The following TCHH variants were observed in gnomAD, a reference collection of about 807,000 sequenced individuals.
TCHH encodes the protein trichohyalin.
Under a neutral mutation model 6.3 loss-of-function variants are expected in TCHH, and 6 were observed. The observed-to-expected ratio is 0.95, with a 90% CI of 0.52 to 1.88. The LOEUF is 1.88. Among genes scored for constraint, TCHH ranks in the 40% most tolerant of loss-of-function variants. The probability of loss-of-function intolerance (pLI) is 0.01; values close to 1 mark genes in which losing one functional copy is unlikely to be tolerated. For synonymous variants in TCHH, 1,087 were observed against 963.6 expected, an observed-to-expected ratio of 1.13 and a Z score of -2.37; for missense variants, 2,920 against 2,449.1, an observed-to-expected ratio of 1.19 and a Z score of -4.06.
rs1658410411 is a variant in TCHH at position 152,112,454 on chromosome 1, T to G, written c.763A>C (p.Lys255Gln). ...EWRKRETVLRKEEEKLQEEEP... is the reference protein window; with the variant it reads ...EWRKRETVLRQEEEKLQEEEP... ...TCTTCCTGCAACTTCTCTTCTTCCT[T>G]CCGGAGCACTGTCTCGCGCTTCCTC... is the stretch of plus-strand genomic sequence containing the variant. The change falls in exon 3 of 3, where the codon AAG becomes CAG. Residue 255 changes from lysine to glutamine, a missense_variant. Coordinates refer to ENST00000614923, the MANE Select transcript of TCHH (RefSeq NM_007113.4). 6 of 1,613,582 alleles carry G rather than the reference T, an allele frequency of 3.7e-6. No individual in the cohort carries two copies. The highest frequency in any genetic ancestry group is 5.1e-6 in the Non-Finnish European group (6 of 1,179,936).
chr1:152,112,423 G>T lies in TCHH; in HGVS notation c.794C>A (p.Pro265Gln). ...KEEEKLQEEEPQRQRELQEEE... is the reference protein window; with the variant it reads ...KEEEKLQEEEQQRQRELQEEE... ...CTCCTGGAGCTCTCTTTGCCGCTGC[G>T]GCTCCTCTTCCTGCAACTTCTCTTC... The change falls in exon 3 of 3, where the codon CCG becomes CAG. Residue 265 changes from proline to glutamine, a missense_variant. Transcript: ENST00000614923. 6.2e-7 allele frequency: 1 copy of T among 1,613,456 alleles called. No homozygotes were observed. Among genetic ancestry groups the T allele is most frequent in the Non-Finnish European group, 8.5e-7 (1 of 1,179,936 alleles).
Position 152,107,501 on chromosome 1 carries a change from C to G in TCHH, c.5716G>C (p.Gly1906Arg). 1 of 1,614,230 alleles carries G rather than the reference C, an allele frequency of 6.2e-7. No homozygotes were observed. The highest frequency in any genetic ancestry group is 8.5e-7 in the Non-Finnish European group (1 of 1,180,040). Reference sequence around the variant, plus strand: ...TCCAGAAGCCGCCCATGGCCCTTCCCTTCTTGGGATTTTATCTCCCCGACT... The same window carrying G: ...TCCAGAAGCCGCCCATGGCCCTTCCGTTCTTGGGATTTTATCTCCCCGACT... The part of the protein sequence containing the change: ...RQVGEIKSQE[G>R]KGHGRLLEPG... The change falls in exon 3 of 3, where the codon GGG (glycine) becomes CGG (arginine). Residue 1906 changes from glycine to arginine, a missense_variant. Transcript: ENST00000614923.
At position 152,107,635 on chromosome 1, in the gene TCHH, T is replaced by G. The variant is rs1181575536; in HGVS notation, c.5582A>C (p.Glu1861Ala). ...FATQEKSRRE[E>A]QELWQEEEQK... ...CTCCTCTTCTTGCCATAGTTCTTGT[T>G]CCTCACGACGACTCTTCTCCTGCGT... The change falls in exon 3 of 3, where the codon GAA becomes GCA. Residue 1861 changes from glutamate to alanine, a missense_variant. Transcript: ENST00000614923. The G allele has an allele frequency of 1.2e-6, 2 of 1,614,064 alleles. No homozygotes were observed. The highest frequency in any genetic ancestry group is 2.2e-5 in the East Asian group (1 of 44,892).
Position 152,110,858 on chromosome 1 carries a change from T to C in TCHH, c.2359A>G (p.Arg787Gly). 1 of 1,609,992 alleles carries C rather than the reference T, an allele frequency of 6.2e-7. No individual in the cohort carries two copies. The highest frequency in any genetic ancestry group is 8.5e-7 in the Non-Finnish European group (1 of 1,179,688). ...TCCCGCTGCTCCCGCAATGGGGGCC[T>C]GGCCGACAGCCTCTGACGGCCCCTC... ...SERGRQRLSA[R>G]PPLREQRERQ... Residue 787 changes from arginine (R) to glycine (G), a missense_variant, in exon 3 of 3, where the codon AGG (arginine) becomes GGG (glycine). Physicochemically the swap from Arg to Gly is moderately radical, Grantham distance 125 (BLOSUM62 -2). Transcript: ENST00000614923.
chr1:152,108,646 A>G lies in TCHH; in HGVS notation c.4571T>C (p.Leu1524Pro). The stretch of plus-strand genomic sequence containing the variant: ...TTTTCTCTGCCGTTGCTGGCGGTGC[A>G]GCTGCTGTTCCTCCTCGAGGAATTT... ...ERKFLEEEQQ[L>P]HRQQRQRKFL... Residue 1524 changes from leucine (L) to proline (P), a missense_variant, in exon 3 of 3, where the codon CTG becomes CCG. Coordinates refer to ENST00000614923, the MANE Select transcript of TCHH (RefSeq NM_007113.4). 1.2e-6 allele frequency: 2 copies of G among 1,606,620 alleles called. No homozygotes were observed. The highest frequency in any genetic ancestry group is 1.7e-6 in the Non-Finnish European group (2 of 1,178,890).
chr1:152,107,324 A>C lies in TCHH; in HGVS notation c.*61T>G. On this transcript the variant is annotated 3_prime_UTR_variant, in exon 3 of 3. Coordinates refer to ENST00000614923, the MANE Select transcript of TCHH (RefSeq NM_007113.4). ...ACATCTGAGTTATCACTTGGTACCC[A>C]GTGTTTCTCATTTTCCCGTGCTCGA... 6.9e-7 allele frequency: 1 copy of C among 1,442,996 alleles called. No homozygotes were observed. The highest frequency in any genetic ancestry group is 2.3e-5 in the East Asian group (1 of 43,452). 89.4% of individuals were successfully genotyped at this position (1,442,996 alleles called of 1,614,324 possible). A position where few individuals can be genotyped will look rare whatever the true frequency, so the allele number is the denominator to read the frequency against.
At position 152,111,861 on chromosome 1, in the gene TCHH, C is replaced by A. The variant is rs1483823321; in HGVS notation, c.1356G>T (p.Glu452Asp). 4 of 1,607,010 alleles carry A rather than the reference C, an allele frequency of 2.5e-6. No homozygotes were observed. The highest frequency in any genetic ancestry group is 3.4e-6 in the Non-Finnish European group (4 of 1,178,500). The change falls in exon 3 of 3, where the codon GAG becomes GAT. Residue 452 changes from glutamate (E) to aspartate (D), a missense_variant. Glu to Asp is a conservative substitution (Grantham distance 45). Coordinates refer to ENST00000614923, the MANE Select transcript of TCHH (RefSeq NM_007113.4). ...CGCGCTTCAGCCAATCGCGCCTCTC[C>A]TCCTGCTCGCGCTTCAGCCGCTGCT... The part of the protein sequence containing the change: ...RREQRLKREQ[E>D]ERRDWLKREE...
At position 152,109,679 on chromosome 1, in the gene TCHH, C is replaced by G. The variant is rs767839150; in HGVS notation, c.3538G>C (p.Glu1180Gln). Residue 1180 changes from glutamate to glutamine, a missense_variant, in exon 3 of 3, where the codon GAA becomes CAA. Transcript: ENST00000614923. ...YREEEELQQE[E>Q]EQLLREEQEK... ...TGTTCCTCTCTCAGCAGCTGCTCTT[C>G]CTCCTGCTGCAGCTCCTCTTCCTCG... The G allele has an allele frequency of 6.8e-6, 11 of 1,608,658 alleles. No individual in the cohort carries two copies. Among genetic ancestry groups the G allele is most frequent in the Middle Eastern group, 3.3e-4 (2 of 6,042 alleles).
rs755360885 is a variant in TCHH at position 152,111,212 on chromosome 1, C to T, written c.2005G>A (p.Glu669Lys). Residue 669 changes from glutamate to lysine, a missense_variant, in exon 3 of 3, where the codon GAG becomes AAG. By Grantham distance (56) the Glu-to-Lys change is moderately conservative (BLOSUM62 1). Transcript: ENST00000614923. The stretch of plus-strand genomic sequence containing the variant: ...TCATGCTCGCGCTTCAGCCGCTGCT[C>T]GAGCCTCTCTTCCTCCTCCTCGCGC... ...LKREEEEERL[E>K]QRLKREHEEE... 2 of 1,608,910 alleles carry T rather than the reference C, an allele frequency of 1.2e-6. No individual in the cohort carries two copies. Among genetic ancestry groups the T allele is most frequent in the East Asian group, 2.2e-5 (1 of 44,504 alleles).
At position 152,111,190 on chromosome 1, in the gene TCHH, T is replaced by C. The variant is rs200205152; in HGVS notation, c.2027A>G (p.His676Arg). Reference sequence around the variant, plus strand: ...CTCCTGCTCGCGCCTCTCTTCCTCATGCTCGCGCTTCAGCCGCTGCTCGAG... The same window carrying C: ...CTCCTGCTCGCGCCTCTCTTCCTCACGCTCGCGCTTCAGCCGCTGCTCGAG... The part of the protein sequence containing the change: ...ERLEQRLKRE[H>R]EEERREQELA... Residue 676 changes from histidine to arginine, a missense_variant, in exon 3 of 3, where the codon CAT (histidine) becomes CGT (arginine). By Grantham distance (29) the His-to-Arg change is conservative. Coordinates refer to ENST00000614923, the MANE Select transcript of TCHH (RefSeq NM_007113.4). 5.8e-5 allele frequency: 94 copies of C among 1,613,160 alleles called. No homozygotes were observed. In the Middle Eastern group the frequency reaches 6.6e-4, roughly 11 times the overall value.
rs374186199 is a variant in TCHH at position 152,107,550 on chromosome 1, C to T, written c.5667G>A (p.Gln1889=). 4 of 1,614,022 alleles carry T rather than the reference C, an allele frequency of 2.5e-6. No homozygotes were observed. Among genetic ancestry groups the T allele is most frequent in the African/African-American group, 2.7e-5 (2 of 74,914 alleles). Residue 1889 remains glutamine (Q), a synonymous_variant, in exon 3 of 3, where the codon CAG becomes CAA. Transcript: ENST00000614923. ...CTTGGCGGTGCCTCTGTTCCTCCTT[C>T]TGCTGGCGGCGGATGTGTTCTTCCC... ...KLREEHIRRQ[Q]KEEQRHRQVG... is the part of the protein sequence containing the mutation.
In TCHH at chr1:152,108,038, C is replaced by T; in HGVS notation, c.5179G>A (p.Glu1727Lys). 1 of 1,613,542 alleles carries T rather than the reference C, an allele frequency of 6.2e-7. No homozygotes were observed. Among genetic ancestry groups the T allele is most frequent in the Non-Finnish European group, 8.5e-7 (1 of 1,179,872 alleles). Residue 1727 changes from glutamate to lysine, a missense_variant, in exon 3 of 3, where the codon GAG becomes AAG. By Grantham distance (56) the Glu-to-Lys change is moderately conservative (BLOSUM62 1). Transcript: ENST00000614923. The stretch of plus-strand genomic sequence containing the variant: ...GTTTCTTGGCGCAGCTGTTCCTCCT[C>T]ACGGAATTTTCTCTCCAGTTCCTGG... ...RRQELERKFR[E>K]EEQLRQETEQ...
rs200947543 is a variant in TCHH, at chr1:152,111,330, C to T, written c.1887G>A (p.Arg629=). 8.1e-3 allele frequency: 13,109 copies of T among 1,610,442 alleles called. 58 individuals carry two copies. The highest frequency in any genetic ancestry group is 0.013 in the Middle Eastern group (80 of 6,044). Residue 629 remains arginine (R), a synonymous_variant, in exon 3 of 3, where the codon AGG becomes AGA. Transcript: ENST00000614923. ...RLKREEPEEE[R]RQQLLKSEEQ... is the part of the protein sequence containing the mutation. Reference sequence around the variant, plus strand: ...CCTCGCTCTTCAGCAGCTGCTGGCGCCTCTCTTCCTCCGGCTCCTCGCGCT... The same window carrying T: ...CCTCGCTCTTCAGCAGCTGCTGGCGTCTCTCTTCCTCCGGCTCCTCGCGCT...
chr1:152,109,043 A>T lies in TCHH; in HGVS notation c.4174T>A (p.Phe1392Ile). The T allele has an allele frequency of 6.2e-7, 1 of 1,609,354 alleles. No homozygotes were observed. The highest frequency in any genetic ancestry group is 8.5e-7 in the Non-Finnish European group (1 of 1,179,330). ...CGCAGCTGCTGTTCCTCCTTAAGGA[A>T]TTTTCTCTCCCGTTCCTGGCGGCGC... ...RLRRQERERK[F>I]LKEEQQLRCQ... The change falls in exon 3 of 3, where the codon TTC (phenylalanine) becomes ATC (isoleucine). Residue 1392 changes from phenylalanine to isoleucine, a missense_variant. Physicochemically the swap from Phe to Ile is conservative, Grantham distance 21 (BLOSUM62 0). Coordinates refer to ENST00000614923, the MANE Select transcript of TCHH (RefSeq NM_007113.4).
chr1:152,113,583 A>G (rs1658441695), intron 2 of TCHH, among the ~76,000 whole-genome samples: 1 of 152,232 alleles, frequency 6.6e-6, no homozygotes, highest in African/African-American at 2.4e-5. Context: ...ATTCCATATT[A>G]GAAAACAGAA....
rs752876963 is a variant in TCHH, at chr1:152,111,476, G to A, written c.1741C>T (p.Arg581Cys). ...QEERRDQLLK[R>C]EEERRQQRLK... ...CGCTGCTGGCGCCTCTCCTCCTCGCGCTTCAGCAGCTGATCGCGCCTCTCC... is the reference window on the plus strand; with the variant it reads ...CGCTGCTGGCGCCTCTCCTCCTCGCACTTCAGCAGCTGATCGCGCCTCTCC... The change falls in exon 3 of 3, where the codon CGC becomes TGC. Residue 581 changes from arginine (R) to cysteine (C), a missense_variant. Transcript: ENST00000614923. 45 of 1,601,244 alleles carry A rather than the reference G, an allele frequency of 2.8e-5. No individual in the cohort carries two copies. The highest frequency in any genetic ancestry group is 3.4e-4 in the Middle Eastern group (2 of 5,946).
rs756725239 is a variant in TCHH, at chr1:152,112,120, C to T, written c.1097G>A (p.Arg366His). 6.4e-7 allele frequency: 1 copy of T among 1,563,260 alleles called. No individual in the cohort carries two copies. Among genetic ancestry groups the T allele is most frequent in the Non-Finnish European group, 8.6e-7 (1 of 1,161,760 alleles). Residue 366 changes from arginine to histidine, a missense_variant, in exon 3 of 3, where the codon CGC (arginine) becomes CAC (histidine). Physicochemically the swap from Arg to His is conservative, Grantham distance 29. Transcript: ENST00000614923. ...CTCGCGCCTCTCCTCCTCCTGCTCG[C>T]GCCTCAGCTGCTGCTCGCGCCTCTC... ...EEERREQQLR[R>H]EQEEERREQQ...
In TCHH at chr1:152,110,993, G is replaced by A. The variant is rs368293517; in HGVS notation, c.2224C>T (p.Arg742Trp). The A allele has an allele frequency of 2.5e-6, 4 of 1,613,116 alleles. No homozygotes were observed. Among genetic ancestry groups the A allele is most frequent in the African/African-American group, 1.3e-5 (1 of 74,942 alleles). The change falls in exon 3 of 3, where the codon CGG becomes TGG. Residue 742 changes from arginine to tryptophan, a missense_variant. Arg to Trp is a moderately radical substitution (Grantham distance 101). Transcript: ENST00000614923. ...RQEQEEKRRR[R>W]ESELQWQEEE... The stretch of plus-strand genomic sequence containing the variant: ...TCCTGCCATTGCAGCTCACTCTCCC[G>A]GCGCCGCCTCTTTTCCTCCTGCTCT...
rs114292099 is a variant in TCHH, at chr1:152,114,557, A to G, written c.-31-446T>C. Among the ~76,000 whole-genome samples, 1,465 of 152,366 alleles carry G rather than the reference A, an allele frequency of 9.6e-3. 24 individuals carry two copies. Among genetic ancestry groups the G allele is most frequent in the African/African-American group, 0.034 (1,397 of 41,574 alleles). Reference sequence around the variant, plus strand: ...TCTTAAAGTGGATAGAGGCCATGTCAGCAAAACAGTTGGTAGAAAATAGAA... The same window carrying G: ...TCTTAAAGTGGATAGAGGCCATGTCGGCAAAACAGTTGGTAGAAAATAGAA... On this transcript the variant is annotated intron_variant, in intron 1 of 2. Coordinates refer to ENST00000614923, the MANE Select transcript of TCHH (RefSeq NM_007113.4).
Sources: allele counts gnomAD v4.1 joint callset (sites outside exome capture counted in the v4.1 genomes callset), GRCh38; gene constraint gnomAD v4.1.1; transcripts MANE v1.5; gene names NCBI Gene and HGNC (gene_info 2026-07-23, HGNC 2026-07-21).